ARHGAP24: variants seen among roughly 807,000 people sequenced by gnomAD.
ARHGAP24 encodes the protein Rho GTPase activating protein 24.
Under a neutral mutation model 76.4 loss-of-function variants are expected in ARHGAP24, and 50 were observed. That is an observed-to-expected ratio of 0.65 (90% CI 0.52 to 0.83). The LOEUF is 0.83. Ranked by LOEUF, ARHGAP24 falls within the 40% of genes least tolerant of loss-of-function variation. The pLI, the probability that ARHGAP24 is intolerant of heterozygous loss-of-function variation, is 0.00. For synonymous variants in ARHGAP24, 345 were observed against 323.3 expected, an observed-to-expected ratio of 1.07 and a Z score of -0.72; for missense variants, 930 against 914.2, an observed-to-expected ratio of 1.02 and a Z score of -0.22.
intron 1 of ARHGAP24, among the ~76,000 whole-genome samples, chr4:85,528,595 G>T (rs374022864): frequency 6.6e-6 from 1 of 152,136 alleles, no homozygotes; most frequent in East Asian, 1.9e-4. Flanking sequence ...AAAATATGGG[G>T]ATTAGAATTG....
At chr4:85,852,919 A>G (rs897015323) in intron 3 of ARHGAP24, among the ~76,000 whole-genome samples, 2 of 152,212 alleles carry the variant, frequency 1.3e-5, no homozygotes, top group African/African-American at 4.8e-5. Flanking sequence ...CTGTTAGGCT[A>G]CACGGGGGTC....
chr4:85,748,892 C>T (rs577141297), intron 3 of ARHGAP24, among the ~76,000 whole-genome samples: 4 of 152,204 alleles, frequency 2.6e-5, no homozygotes, highest in South Asian at 4.1e-4. Flanking sequence ...TGTTTCTCTC[C>T]GGCTCTTGTC....
Position 85,663,192 on chromosome 4 carries a change from A to C in ARHGAP24, c.181-58693A>C, listed in dbSNP as rs568844040. 2.8e-3 allele frequency among the ~76,000 whole-genome samples: 426 copies of C among 149,770 alleles called. 4 individuals are homozygous for C. The highest frequency in any genetic ancestry group is 7.1e-3 in the African/African-American group (291 of 40,720). On this transcript the variant is annotated intron_variant, in intron 2 of 9. Coordinates refer to ENST00000395184, the MANE Select transcript of ARHGAP24 (RefSeq NM_001025616.3). ...ATTTGTTTGTATCCTCTTTTATTTC[A>C]TTGAGCAGTGGTTTGTAGTTCTCCT...
intron 3 of ARHGAP24, among the ~76,000 whole-genome samples, chr4:85,850,919 T>C (rs1731186482): frequency 6.6e-6 from 1 of 152,218 alleles, no homozygotes; most frequent in African/African-American, 2.4e-5. Context: ...GAAGAATGTA[T>C]ATTCTGTTGA....
At chr4:85,529,185 A>G (rs1165365464) in intron 1 of ARHGAP24, among the ~76,000 whole-genome samples, 6 of 151,972 alleles carry the variant, frequency 3.9e-5, no homozygotes, top group Non-Finnish European at 8.8e-5. Flanking sequence ...TTGAACTTGA[A>G]TTTCTTCCCA....
At chr4:85,484,871 C>T (rs1214973102) in intron 1 of ARHGAP24, among the ~76,000 whole-genome samples, 3 of 152,078 alleles carry the variant, frequency 2.0e-5, no homozygotes, top group African/African-American at 7.2e-5. Context: ...CCTGCCTCAG[C>T]CTCCCAAAGT....
intron 3 of ARHGAP24, among the ~76,000 whole-genome samples, chr4:85,734,724 C>A (rs936766172): frequency 1.4e-5 from 2 of 139,724 alleles, no homozygotes; most frequent in Non-Finnish European, 3.0e-5. Flanking sequence ...TTATCGGAAT[C>A]ACAGTGGAGA....
chr4:85,709,116 G>A (rs1453786891), intron 2 of ARHGAP24, among the ~76,000 whole-genome samples: 1 of 152,014 alleles, frequency 6.6e-6, no homozygotes, highest in South Asian at 2.1e-4. Flanking sequence ...CTATTCTTGA[G>A]GTCTTTAGAA....
chr4:85,981,715 T>A lies in ARHGAP24; in HGVS notation c.928+4024T>A, dbSNP rs537412501. ...GTCCTTCCCAATTTTCACCTCTCTC[T>A]TAGCAGTATCCCCTCCATGCAAAGC... On this transcript the variant is annotated intron_variant, in intron 8 of 9. Transcript: ENST00000395184. Among the ~76,000 whole-genome samples, 4 of 152,252 alleles carry A rather than the reference T, an allele frequency of 2.6e-5. No individual in the cohort carries two copies. The East Asian group carries it at 7.7e-4, about 29-fold the overall frequency.
intron 2 of ARHGAP24, among the ~76,000 whole-genome samples, chr4:85,631,807 C>A (rs1037445149): frequency 2.0e-5 from 3 of 151,982 alleles, no homozygotes; most frequent in African/African-American, 7.2e-5. Context: ...GTCTTTGTCA[C>A]CATGTTTTCT....
chr4:85,773,625 A>C (rs544025923), intron 3 of ARHGAP24, among the ~76,000 whole-genome samples: 44 of 152,252 alleles, frequency 2.9e-4, no homozygotes, highest in African/African-American at 1.1e-3. Context: ...ATAGTCTGTA[A>C]ATGTCTCCCA....
chr4:85,702,701 G>T (rs1024510203), intron 2 of ARHGAP24, among the ~76,000 whole-genome samples: 1 of 151,936 alleles, frequency 6.6e-6, no homozygotes, highest in African/African-American at 2.4e-5. Flanking sequence ...TCGCCCTGGG[G>T]TTTGTGAGTT....
chr4:85,624,927 C>T (rs181889241), intron 2 of ARHGAP24, among the ~76,000 whole-genome samples: 11 of 152,000 alleles, frequency 7.2e-5, no homozygotes, highest in African/African-American at 2.7e-4. Context: ...TATCCCCTTT[C>T]TCATTTTTTA....
chr4:85,540,206 A>G (rs540459243), intron 1 of ARHGAP24, among the ~76,000 whole-genome samples: 3 of 152,094 alleles, frequency 2.0e-5, no homozygotes, highest in Admixed American at 6.5e-5. Context: ...AAAAATAAAA[A>G]TTTTTTATGG....
intron 2 of ARHGAP24, among the ~76,000 whole-genome samples, chr4:85,654,803 A>G (rs1722080497): frequency 6.6e-6 from 1 of 152,202 alleles, no homozygotes; most frequent in South Asian, 2.1e-4. Context: ...TCAGATTTAT[A>G]ACATTCATAT....
intron 2 of ARHGAP24, among the ~76,000 whole-genome samples, chr4:85,671,657 T>C (rs945115848): frequency 1.1e-4 from 16 of 152,198 alleles, no homozygotes; most frequent in Non-Finnish European, 2.1e-4. Flanking sequence ...TTCTGGAATC[T>C]CCAAAAATAC....
intron 3 of ARHGAP24, among the ~76,000 whole-genome samples, chr4:85,872,595 CTTTT>C (rs5860005): frequency 8.2e-5 from 6 of 73,166 alleles, no homozygotes; most frequent in Non-Finnish European, 1.2e-4. Context: ...TGCATCTGGC[CTTTT>C]TTTTTTTTTT....
At chr4:85,864,329 CATTTG>C (rs1220431318) in intron 3 of ARHGAP24, among the ~76,000 whole-genome samples, 1 of 151,974 alleles carries the variant, frequency 6.6e-6, no homozygotes, top group East Asian at 1.9e-4. Context: ...CTTGGGGGTA[CATTTG>C]TTAGGAAATG....
chr4:85,530,326 A>G (rs1725208425), intron 1 of ARHGAP24, among the ~76,000 whole-genome samples: 1 of 152,002 alleles, frequency 6.6e-6, no homozygotes, highest in African/African-American at 2.4e-5. Flanking sequence ...ACAGAGTGGC[A>G]CTACCTTATC....
Sources: allele counts gnomAD v4.1 joint callset (sites outside exome capture counted in the v4.1 genomes callset), GRCh38; gene constraint gnomAD v4.1.1; transcripts MANE v1.5; gene names NCBI Gene and HGNC (gene_info 2026-07-23, HGNC 2026-07-21).